SPZ1: variants seen among roughly 807,000 people sequenced by gnomAD.
The protein encoded by SPZ1 is spermatogenic leucine zipper protein 1.
For synonymous variants in SPZ1, 160 were observed against 167.6 expected, an observed-to-expected ratio of 0.95 and a Z score of 0.35; for missense variants, 408 against 486.2, an observed-to-expected ratio of 0.84 and a Z score of 1.51.
Position 80,320,288 on chromosome 5 carries a change from C to T in SPZ1, c.73C>T (p.Gln25Ter), listed in dbSNP as rs1743526545. 2 of 1,613,854 alleles carry T rather than the reference C, an allele frequency of 1.2e-6. No individual in the cohort carries two copies. Among genetic ancestry groups the T allele is most frequent in the Non-Finnish European group, 1.7e-6 (2 of 1,179,876 alleles). ...CGTTAACCCTACTCCTGATCCTCATCAAGAATATCTGGACCCTAGGATTAC... is the reference window on the plus strand; with the variant it reads ...CGTTAACCCTACTCCTGATCCTCATTAAGAATATCTGGACCCTAGGATTAC... Residue 25 changes from glutamine to a stop codon, truncating the protein, a stop_gained, in exon 2 of 2, where the codon CAA (glutamine) becomes TAA (stop). Transcript: ENST00000511881. LOFTEE classifies it low-confidence loss of function (END_TRUNC).
chr5:80,320,136 G>C lies in SPZ1; in HGVS notation c.-80G>C, dbSNP rs1281938742. On this transcript the variant is annotated 5_prime_UTR_variant, in exon 1 of 1. Transcript: ENST00000296739. ...TCTCTGACTTCTGCTTGATTCCACA[G>C]TCTCCACCCACATTTGCACAAAGGA... 28 of 1,134,602 alleles carry C rather than the reference G, an allele frequency of 2.5e-5. No homozygotes were observed. The allele number at this position is 1,134,602 out of a possible 1,614,324, so 70.3% of individuals were successfully genotyped here. A position where few individuals can be genotyped will look rare whatever the true frequency, so the allele number is the denominator to read the frequency against.
At position 80,320,558 on chromosome 5, in the gene SPZ1, G is replaced by A. The variant is rs1262412164; in HGVS notation, c.343G>A (p.Gly115Arg). ...DVSAHKENIR[G>R]LDKINEMLST... ...GTCAGCCCACAAAGAAAATATCAGA[G>A]GACTTGACAAAATCAATGAAATGTT... The change falls in exon 1 of 1, where the codon GGA becomes AGA. Residue 115 changes from glycine (G) to arginine (R), a missense_variant. Gly to Arg is a moderately radical substitution (Grantham distance 125). Coordinates refer to ENST00000296739, the MANE Select transcript of SPZ1 (RefSeq NM_032567.4). The A allele has an allele frequency of 6.2e-7, 1 of 1,603,660 alleles. No homozygotes were observed. Among genetic ancestry groups the A allele is most frequent in the Non-Finnish European group, 8.5e-7 (1 of 1,175,514 alleles).
Position 80,321,047 on chromosome 5 carries a change from A to G in SPZ1, c.832A>G (p.Ile278Val), listed in dbSNP as rs771516244. The G allele has an allele frequency of 1.1e-5, 18 of 1,613,956 alleles. No homozygotes were observed. The Middle Eastern group carries it at 5.0e-4, about 44-fold the overall frequency. Residue 278 changes from isoleucine (I) to valine (V), a missense_variant, in exon 1 of 1, where the codon ATA (isoleucine) becomes GTA (valine). By Grantham distance (29) the Ile-to-Val change is conservative. Coordinates refer to ENST00000296739, the MANE Select transcript of SPZ1 (RefSeq NM_032567.4). ...ATCCTATCAGAAATCTCAGAAAGACATAAGTGAAACTCTTGGAAATAATGG... is the reference window on the plus strand; with the variant it reads ...ATCCTATCAGAAATCTCAGAAAGACGTAAGTGAAACTCTTGGAAATAATGG... ...IKSYQKSQKDISETLGNNGVG... is the reference protein window; with the variant it reads ...IKSYQKSQKDVSETLGNNGVG...
chr5:80,320,493 C>T lies in SPZ1; in HGVS notation c.278C>T (p.Ala93Val). Residue 93 changes from alanine to valine, a missense_variant, in exon 1 of 1, where the codon GCA becomes GTA. Ala to Val is a moderately conservative substitution (Grantham distance 64). Coordinates refer to ENST00000296739, the MANE Select transcript of SPZ1 (RefSeq NM_032567.4). The stretch of plus-strand genomic sequence containing the variant: ...GGTTTTGAAGAGAAGATCACAGAAG[C>T]AAAAGAACTTTTTGAGGAAACCAAT... The part of the protein sequence containing the change: ...MAGFEEKITE[A>V]KELFEETNIT... The T allele has an allele frequency of 6.2e-7, 1 of 1,613,890 alleles. No homozygotes were observed. Among genetic ancestry groups the T allele is most frequent in the Non-Finnish European group, 8.5e-7 (1 of 1,180,020 alleles).
downstream of SPZ1, chr5:80,321,492 CT>C: frequency 1.3e-6 from 2 of 1,578,570 alleles, no homozygotes; most frequent in Non-Finnish European, 1.7e-6. Context: ...ATGAGGTCAG[CT>C]AGCAGCCTAA....
chr5:80,321,062 G>A lies in SPZ1; in HGVS notation c.847G>A (p.Gly283Arg), dbSNP rs1743545494. The A allele has an allele frequency of 6.2e-6, 10 of 1,613,424 alleles. No individual in the cohort carries two copies. In the East Asian group the frequency reaches 2.2e-4, roughly 36 times the overall value. The change falls in exon 1 of 1, where the codon GGA (glycine) becomes AGA (arginine). Residue 283 changes from glycine (G) to arginine (R), a missense_variant. Coordinates refer to ENST00000296739, the MANE Select transcript of SPZ1 (RefSeq NM_032567.4). Reference sequence around the variant, plus strand: ...TCAGAAAGACATAAGTGAAACTCTTGGAAATAATGGAGTCGGTTTCCAAAC... The same window carrying A: ...TCAGAAAGACATAAGTGAAACTCTTAGAAATAATGGAGTCGGTTTCCAAAC... ...KSQKDISETL[G>R]NNGVGFQTQP...
chr5:80,321,431 T>G lies in SPZ1; in HGVS notation c.1216T>G (p.Cys406Gly). 1 of 1,609,702 alleles carries G rather than the reference T, an allele frequency of 6.2e-7. No individual in the cohort carries two copies. The highest frequency in any genetic ancestry group is 2.2e-5 in the East Asian group (1 of 44,842). The part of the protein sequence containing the change: ...SLDVCLNKKA[C>G]NTQFNIHVAR... ...GGATGTTTGTCTTAATAAGAAAGCT[T>G]GCAATACCCAGTTCAATATTCATGT... Residue 406 changes from cysteine (C) to glycine (G), a missense_variant, in exon 1 of 1, where the codon TGC (cysteine) becomes GGC (glycine). Cys to Gly is a radical substitution (Grantham distance 159). Transcript: ENST00000296739.
At position 80,321,419 on chromosome 5, in the gene SPZ1, A is replaced by T; in HGVS notation, c.1204A>T (p.Asn402Tyr). Residue 402 changes from asparagine to tyrosine, a missense_variant, in exon 1 of 1, where the codon AAT becomes TAT. Asn to Tyr is a moderately radical substitution (Grantham distance 143). Coordinates refer to ENST00000296739, the MANE Select transcript of SPZ1 (RefSeq NM_032567.4). ...CTGTAGAAGCCTGGATGTTTGTCTT[A>T]ATAAGAAAGCTTGCAATACCCAGTT... is the stretch of plus-strand genomic sequence containing the variant. ...RSCRSLDVCL[N>Y]KKACNTQFNI... 6.2e-7 allele frequency: 1 copy of T among 1,611,578 alleles called. No individual in the cohort carries two copies. The highest frequency in any genetic ancestry group is 8.5e-7 in the Non-Finnish European group (1 of 1,179,446).
Position 80,321,836 on chromosome 5 carries a change from AG to A in SPZ1, c.*331del. The A allele has an allele frequency of 5.8e-6, 1 of 172,782 alleles. No homozygotes were observed. The highest frequency in any genetic ancestry group is 2.0e-4 in the East Asian group (1 of 4,906). The allele number at this position is 172,782 out of a possible 1,614,324, so 10.7% of individuals were successfully genotyped here. ...AGATCTAAATAAAAACCAGAATACA[AG>A]GGAAATTTTTTTTTTCTTTATTTAA... is the stretch of plus-strand genomic sequence containing the variant. On this transcript the variant is annotated 3_prime_UTR_variant, in exon 1 of 1. Transcript: ENST00000296739.
Position 80,321,535 on chromosome 5 carries a change from G to A in SPZ1, c.*27G>A, listed in dbSNP as rs2112021530. ...AAATACCAAAAGCAGATGAAAAGGT[G>A]AATCCTTAAAAAACTACATCTGTTA... On this transcript the variant is annotated 3_prime_UTR_variant, in exon 1 of 1. Transcript: ENST00000296739. 1 of 1,521,718 alleles carries A rather than the reference G, an allele frequency of 6.6e-7. No individual in the cohort carries two copies. Among genetic ancestry groups the A allele is most frequent in the South Asian group, 1.3e-5 (1 of 75,678 alleles). The allele number at this position is 1,521,718 out of a possible 1,614,324, so 94.3% of individuals were successfully genotyped here.
chr5:80,321,180 C>T lies in SPZ1; in HGVS notation c.965C>T (p.Ala322Val), dbSNP rs373336998. 3.0e-5 allele frequency: 48 copies of T among 1,613,962 alleles called. 1 individual carries two copies. The African/African-American group carries it at 5.3e-4, about 18-fold the overall frequency. Residue 322 changes from alanine (A) to valine (V), a missense_variant, in exon 1 of 1, where the codon GCT becomes GTT. Ala to Val is a moderately conservative substitution (Grantham distance 64). Transcript: ENST00000296739. ...HDTYSLQLMA[A>V]LLENECQILQ... is the part of the protein sequence containing the mutation. ...ACCTATTCATTGCAGTTGATGGCAG[C>T]TTTGCTAGAGAATGAATGCCAAATC...
Position 80,320,430 on chromosome 5 carries a change from T to A in SPZ1, c.215T>A (p.Leu72His). 1 of 1,613,158 alleles carries A rather than the reference T, an allele frequency of 6.2e-7. No homozygotes were observed. The highest frequency in any genetic ancestry group is 8.5e-7 in the Non-Finnish European group (1 of 1,179,848). The change falls in exon 1 of 1, where the codon CTC (leucine) becomes CAC (histidine). Residue 72 changes from leucine to histidine, a missense_variant. Coordinates refer to ENST00000296739, the MANE Select transcript of SPZ1 (RefSeq NM_032567.4). Reference protein sequence around the residue: ...EQQTAQKFNNLLKEIKDILKN... With the variant: ...EQQTAQKFNNHLKEIKDILKN... ...CAGACTGCACAGAAGTTTAACAATCTCTTAAAAGAAATTAAAGATATTCTT... is the reference window on the plus strand; with the variant it reads ...CAGACTGCACAGAAGTTTAACAATCACTTAAAAGAAATTAAAGATATTCTT...
In SPZ1 at chr5:80,321,048, T is replaced by C; in HGVS notation, c.833T>C (p.Ile278Thr). ...IKSYQKSQKD[I>T]SETLGNNGVG... ...TCCTATCAGAAATCTCAGAAAGACA[T>C]AAGTGAAACTCTTGGAAATAATGGA... is the stretch of plus-strand genomic sequence containing the variant. Residue 278 changes from isoleucine to threonine, a missense_variant, in exon 1 of 1, where the codon ATA (isoleucine) becomes ACA (threonine). Coordinates refer to ENST00000296739, the MANE Select transcript of SPZ1 (RefSeq NM_032567.4). 6.2e-7 allele frequency: 1 copy of C among 1,613,818 alleles called. No individual in the cohort carries two copies. The highest frequency in any genetic ancestry group is 1.3e-5 in the African/African-American group (1 of 75,014).
At position 80,320,109 on chromosome 5, in the gene SPZ1, G is replaced by T. The variant is rs1212706880; in HGVS notation, c.-107G>T. The stretch of plus-strand genomic sequence containing the variant: ...CTCCCAAATTTTAATCCTTAACTTT[G>T]GTCTCTGACTTCTGCTTGATTCCAC... On this transcript the variant is annotated 5_prime_UTR_variant, in exon 1 of 1. Transcript: ENST00000296739. 1 of 847,282 alleles carries T rather than the reference G, an allele frequency of 1.2e-6. No homozygotes were observed. Among genetic ancestry groups the T allele is most frequent in the African/African-American group, 1.7e-5 (1 of 58,354 alleles). The allele number at this position is 847,282 out of a possible 1,614,324, so 52.5% of individuals were successfully genotyped here.
In SPZ1 at chr5:80,320,826, A is replaced by G. The variant is rs773559959; in HGVS notation, c.611A>G (p.Gln204Arg). ...AACCAGAACTCTGAGAACACCGCAC[A>G]AGTTTTTGCAAGAGATTTGGTAAAT... ...MENQNSENTA[Q>R]VFARDLVNRL... The change falls in exon 1 of 1, where the codon CAA (glutamine) becomes CGA (arginine). Residue 204 changes from glutamine to arginine, a missense_variant. Gln to Arg is a conservative substitution (Grantham distance 43). Transcript: ENST00000296739. 2 of 1,614,204 alleles carry G rather than the reference A, an allele frequency of 1.2e-6. No homozygotes were observed. The highest frequency in any genetic ancestry group is 1.1e-5 in the South Asian group (1 of 91,068).
chr5:80,320,998 T>C lies in SPZ1; in HGVS notation c.783T>C (p.His261=), dbSNP rs778692448. 26 of 1,613,988 alleles carry C rather than the reference T, an allele frequency of 1.6e-5. No homozygotes were observed. The highest frequency in any genetic ancestry group is 2.0e-5 in the Non-Finnish European group (24 of 1,180,034). ...LQEAEHWSKQ[H]TELSKLIKSY... ...AAGCAGAACACTGGAGTAAACAACA[T>C]ACTGAGCTCAGTAAACTGATAAAAT... Residue 261 remains histidine (H), a synonymous_variant, in exon 1 of 1, where the codon CAT becomes CAC. Coordinates refer to ENST00000296739, the MANE Select transcript of SPZ1 (RefSeq NM_032567.4).
At position 80,321,204 on chromosome 5, in the gene SPZ1, T is replaced by C. The variant is rs116481637; in HGVS notation, c.989T>C (p.Ile330Thr). Residue 330 changes from isoleucine (I) to threonine (T), a missense_variant, in exon 1 of 1, where the codon ATC becomes ACC. Coordinates refer to ENST00000296739, the MANE Select transcript of SPZ1 (RefSeq NM_032567.4). ...GCTTTGCTAGAGAATGAATGCCAAA[T>C]CTTACAGCAGAGAGTAGAGATTCTC... Reference protein sequence around the residue: ...MAALLENECQILQQRVEILKE... With the variant: ...MAALLENECQTLQQRVEILKE... The C allele has an allele frequency of 9.3e-4, 1,502 of 1,613,994 alleles. 20 individuals are homozygous for C. The African/African-American group carries it at 0.018, about 19-fold the overall frequency.
chr5:80,321,667 C>A lies in SPZ1; in HGVS notation c.*159C>A. On this transcript the variant is annotated 3_prime_UTR_variant, in exon 1 of 1. Transcript: ENST00000296739. ...AGATTGACACTTATATTACTCATTA[C>A]TTCAGCAGTTATGTAAGTCTGGTCT... 1 of 534,946 alleles carries A rather than the reference C, an allele frequency of 1.9e-6. No individual in the cohort carries two copies. The highest frequency in any genetic ancestry group is 3.3e-6 in the Non-Finnish European group (1 of 303,390). 33.1% of individuals were successfully genotyped at this position (534,946 alleles called of 1,614,324 possible). A position where few individuals can be genotyped will look rare whatever the true frequency, so the allele number is the denominator to read the frequency against.
At position 80,321,550 on chromosome 5, in the gene SPZ1, T is replaced by G; in HGVS notation, c.*42T>G. ...ATGAAAAGGTGAATCCTTAAAAAAC[T>G]ACATCTGTTACCTCCAACTTGTCAG... On this transcript the variant is annotated 3_prime_UTR_variant, in exon 1 of 1. Transcript: ENST00000296739. 1 of 1,442,824 alleles carries G rather than the reference T, an allele frequency of 6.9e-7. No individual in the cohort carries two copies. The highest frequency in any genetic ancestry group is 9.3e-7 in the Non-Finnish European group (1 of 1,070,406). The allele number at this position is 1,442,824 out of a possible 1,614,324, so 89.4% of individuals were successfully genotyped here. A position where few individuals can be genotyped will look rare whatever the true frequency, so the allele number is the denominator to read the frequency against.
Sources: allele counts gnomAD v4.1 joint callset, GRCh38; gene constraint gnomAD v4.1.1; transcripts MANE v1.5; gene names NCBI Gene and HGNC (gene_info 2026-07-23, HGNC 2026-07-21).